Variants in DNAI4 observed in about 807,000 individuals in gnomAD.
DNAI4 encodes dynein axonemal intermediate chain 4, also known as WD repeat domain 78.
Under a neutral mutation model 105.8 loss-of-function variants are expected in DNAI4, and 85 were observed. The ratio of observed to expected loss-of-function variants is 0.80; its 90% confidence interval spans 0.67 to 0.96. The LOEUF is 0.96. Ranked by LOEUF, DNAI4 falls within the 40% of genes least tolerant of loss-of-function variation. The probability of loss-of-function intolerance (pLI) is 0.00; values close to 1 mark genes in which losing one functional copy is unlikely to be tolerated. For missense variants in DNAI4, 1,014 were observed against 1,005.6 expected (o/e 1.01, Z -0.11); for synonymous variants, 352 against 331.5 (o/e 1.06, Z -0.67).
chr1:66,843,958 G>A (rs963292763), intron 8 of DNAI4, among the ~76,000 whole-genome samples: 2 of 151,578 alleles, frequency 1.3e-5, no homozygotes, highest in African/African-American at 4.8e-5. Flanking sequence ...AGAAAAAAAT[G>A]TGAAATCAAT....
intron 7 of DNAI4, among the ~76,000 whole-genome samples, chr1:66,849,476 T>C (rs1646350726): frequency 6.6e-6 from 1 of 152,158 alleles, no homozygotes; most frequent in African/African-American, 2.4e-5. Flanking sequence ...TCCAGACTCT[T>C]ACAATACCCC....
chr1:66,906,602 T>G (rs1176317330), intron 1 of DNAI4, among the ~76,000 whole-genome samples: 3 of 152,178 alleles, frequency 2.0e-5, no homozygotes, highest in Admixed American at 6.5e-5. Flanking sequence ...CTTTGTCTTG[T>G]TCACTGCTGT....
At chr1:66,923,023 T>C (rs1650626811) in intron 1 of DNAI4, among the ~76,000 whole-genome samples, 1 of 152,166 alleles carries the variant, frequency 6.6e-6, no homozygotes, top group South Asian at 2.1e-4. Context: ...TATACAATGG[T>C]GATCTGGTAG....
intron 10 of DNAI4, among the ~76,000 whole-genome samples, chr1:66,837,412 G>GATTC (rs1292677968): frequency 3.5e-5 from 5 of 142,558 alleles, no homozygotes; most frequent in African/African-American, 1.3e-4. Flanking sequence ...TTTCATTTAA[G>GATTC]ATTCATTTTT....
chr1:66,845,799 T>C (rs906215950), intron 8 of DNAI4, among the ~76,000 whole-genome samples: 1 of 146,102 alleles, frequency 6.8e-6, no homozygotes, highest in African/African-American at 2.6e-5. Context: ...CATACCAGAA[T>C]AGGGAAAGTT....
chr1:66,850,994 C>G (rs568448464), intron 7 of DNAI4, among the ~76,000 whole-genome samples: 2 of 150,878 alleles, frequency 1.3e-5, no homozygotes, highest in African/African-American at 4.9e-5. Flanking sequence ...GGCTAACATG[C>G]GAATAAAAAA....
intron 7 of DNAI4, among the ~76,000 whole-genome samples, chr1:66,859,082 T>C (rs1020500781): frequency 6.6e-6 from 1 of 152,100 alleles, no homozygotes; most frequent in Non-Finnish European, 1.5e-5. Flanking sequence ...AGAAAGTACA[T>C]ACATATATCC....
chr1:66,924,541 C>G, intron 1 of DNAI4, 121 bp downstream of exon 1: 1 of 1,355,818 alleles, frequency 7.4e-7, no homozygotes, highest in Non-Finnish European at 1.0e-6. Flanking sequence ...GCTTCAAGGT[C>G]TACAGACTGA....
chr1:66,835,656 C>T lies in DNAI4; in HGVS notation c.1703G>A (p.Ser568Asn). The part of the protein sequence containing the change: ...NGTIAIYNVR[S>N]NSNVPVLDSS... ...ATCCAGAACTGGAACATTACTGTTG[C>T]TCCGTACATTGTAAATTGCAATTGT... The change falls in exon 11 of 17, where the codon AGC becomes AAC. Residue 568 changes from serine (S) to asparagine (N), a missense_variant. Coordinates refer to ENST00000371026, the MANE Select transcript of DNAI4 (RefSeq NM_024763.5). 1.2e-6 allele frequency: 2 copies of T among 1,614,092 alleles called. No homozygotes were observed. The highest frequency in any genetic ancestry group is 1.7e-6 in the Non-Finnish European group (2 of 1,180,010).
At chr1:66,817,507 A>C (rs1439031737) in intron 16 of DNAI4, among the ~76,000 whole-genome samples, 2 of 152,098 alleles carry the variant, frequency 1.3e-5, no homozygotes, top group Non-Finnish European at 2.9e-5. Context: ...CAAGAGTTTG[A>C]GGCTGCAGTG....
At chr1:66,849,846 G>A (rs889779258) in intron 7 of DNAI4, among the ~76,000 whole-genome samples, 2 of 151,944 alleles carry the variant, frequency 1.3e-5, no homozygotes, top group African/African-American at 4.8e-5. Flanking sequence ...CTGGAAGAGA[G>A]AACAATGGAA....
chr1:66,862,186 C>A lies in DNAI4; in HGVS notation c.1057G>T (p.Asp353Tyr), dbSNP rs764161488. 3 of 1,603,290 alleles carry A rather than the reference C, an allele frequency of 1.9e-6. No homozygotes were observed. Among genetic ancestry groups the A allele is most frequent in the Non-Finnish European group, 2.6e-6 (3 of 1,176,360 alleles). ...CTCCCTGGCAATCTTTGGTCCTGAT[C>A]TTTAGGAAGTACATTTGCTTTACTA... ...SSSKANVLPK[D>Y]QDQRLPGSTT... The change falls in exon 7 of 17, where the codon GAT becomes TAT. Residue 353 changes from aspartate (D) to tyrosine (Y), a missense_variant. Physicochemically the swap from Asp to Tyr is radical, Grantham distance 160. Coordinates refer to ENST00000371026, the MANE Select transcript of DNAI4 (RefSeq NM_024763.5).
At chr1:66,896,085 A>G (rs1648311936) in intron 2 of DNAI4, among the ~76,000 whole-genome samples, 1 of 152,186 alleles carries the variant, frequency 6.6e-6, no homozygotes, top group Non-Finnish European at 1.5e-5. Context: ...GTTTTGGAGT[A>G]TACCCACTTT....
At chr1:66,822,229 A>C (rs761836036) in intron 16 of DNAI4, 132 bp downstream of exon 16, 13 of 811,992 alleles carry the variant, frequency 1.6e-5, no homozygotes, top group Non-Finnish European at 2.1e-5. Flanking sequence ...AGAAGTTAGC[A>C]ACTCCTGGAA....
chr1:66,872,803 C>T (rs1209204646), intron 5 of DNAI4, among the ~76,000 whole-genome samples: 1 of 152,022 alleles, frequency 6.6e-6, no homozygotes, highest in Admixed American at 6.6e-5. Context: ...CAACCTTCCC[C>T]TCCTGGAGAA....
intron 7 of DNAI4, among the ~76,000 whole-genome samples, chr1:66,853,129 C>A (rs1179677317): frequency 2.6e-5 from 4 of 152,150 alleles, no homozygotes; most frequent in Non-Finnish European, 4.4e-5. Context: ...ACGTATTACT[C>A]ACAGGTCTCA....
At chr1:66,905,614 G>A (rs564785490) in intron 1 of DNAI4, among the ~76,000 whole-genome samples, 1 of 152,092 alleles carries the variant, frequency 6.6e-6, no homozygotes, top group African/African-American at 2.4e-5. Flanking sequence ...TTTATATAAA[G>A]CCACAGAGGC....
intron 5 of DNAI4, among the ~76,000 whole-genome samples, chr1:66,872,957 C>A (rs1176771471): frequency 1.3e-5 from 2 of 152,040 alleles, no homozygotes; most frequent in Non-Finnish European, 2.9e-5. Flanking sequence ...AAGTGATCCA[C>A]CCACCTCAGC....
intron 16 of DNAI4, among the ~76,000 whole-genome samples, 185 bp downstream of exon 16, chr1:66,822,176 C>T (rs552446532): frequency 4.0e-4 from 49 of 122,804 alleles, no homozygotes; most frequent in African/African-American, 1.2e-3. Context: ...ATAAATAAGA[C>T]GAGGCTGAAA....
Sources: allele counts gnomAD v4.1 joint callset (sites outside exome capture counted in the v4.1 genomes callset), GRCh38; gene constraint gnomAD v4.1.1; transcripts MANE v1.5; gene names NCBI Gene and HGNC (gene_info 2026-07-23, HGNC 2026-07-21).